AKAP13: variants seen among roughly 807,000 people sequenced by gnomAD.
The protein encoded by AKAP13 is A-kinase anchor protein 13.
A neutral mutation model predicts 264.5 loss-of-function variants in AKAP13; 80 were observed. The observed-to-expected ratio is 0.30, with a 90% CI of 0.25 to 0.36. The LOEUF (loss-of-function observed/expected upper bound fraction) is 0.36, where lower values mean the gene tolerates loss of function less well. Ranked by LOEUF, AKAP13 falls within the 10% of genes least tolerant of loss-of-function variation. AKAP13 has a pLI of 1.00. For synonymous variants in AKAP13, 1,380 were observed against 1,250.2 expected, an observed-to-expected ratio of 1.10 and a Z score of -2.19; for missense variants, 3,712 against 3,435.2, an observed-to-expected ratio of 1.08 and a Z score of -2.01.
At chr15:85,483,768 G>A (rs2075431844) in intron 1 of AKAP13, among the ~76,000 whole-genome samples, 1 of 150,962 alleles carries the variant, frequency 6.6e-6, no homozygotes, top group Admixed American at 6.6e-5. Context: ...CCAAGATTGT[G>A]CCACTGCGCT....
chr15:85,677,290 G>T (rs2084277771), intron 14 of AKAP13, among the ~76,000 whole-genome samples: 1 of 152,116 alleles, frequency 6.6e-6, no homozygotes, highest in Admixed American at 6.5e-5. Context: ...CTTCTGTATA[G>T]TACTAACGCT....
At position 85,743,615 on chromosome 15, in the gene AKAP13, T is replaced by A. The variant is rs750232143; in HGVS notation, c.8182T>A (p.Ser2728Thr). ...GTCATTGGACTCAGAACTTTCAGTG[T>A]CCCCAAAAAGGAACAGCATCTCTCG... The part of the protein sequence containing the change: ...SGSLDSELSV[S>T]PKRNSISRTH... The change falls in exon 36 of 37, where the codon TCC (serine) becomes ACC (threonine). Residue 2728 changes from serine to threonine, a missense_variant. Coordinates refer to ENST00000394518, the MANE Select transcript of AKAP13 (RefSeq NM_007200.5). The A allele has an allele frequency of 6.2e-7, 1 of 1,613,982 alleles. No individual in the cohort carries two copies. The highest frequency in any genetic ancestry group is 8.5e-7 in the Non-Finnish European group (1 of 1,179,988).
chr15:85,681,895 G>C (rs1328664588), intron 14 of AKAP13, among the ~76,000 whole-genome samples: 1 of 152,076 alleles, frequency 6.6e-6, no homozygotes, highest in Non-Finnish European at 1.5e-5. Context: ...ATTAGAAAAA[G>C]TTATTTGGAG....
At chr15:85,508,055 C>G (rs2076293324) in intron 2 of AKAP13, among the ~76,000 whole-genome samples, 1 of 152,044 alleles carries the variant, frequency 6.6e-6, no homozygotes, top group Non-Finnish European at 1.5e-5. Flanking sequence ...AGATGGGTTT[C>G]AGCAAGATAT....
At position 85,745,369 on chromosome 15, in the gene AKAP13, A is replaced by G. The variant is rs746147092; in HGVS notation, c.*692A>G. 2 of 151,556 alleles carry G rather than the reference A, an allele frequency of 1.3e-5. No homozygotes were observed. Among genetic ancestry groups the G allele is most frequent in the Admixed American group, 6.6e-5 (1 of 15,166 alleles). 9.4% of individuals were successfully genotyped at this position (151,556 alleles called of 1,614,324 possible). A position where few individuals can be genotyped will look rare whatever the true frequency, so the allele number is the denominator to read the frequency against. On this transcript the variant is annotated 3_prime_UTR_variant, in exon 37 of 37. Coordinates refer to ENST00000394518, the MANE Select transcript of AKAP13 (RefSeq NM_007200.5). ...TGAGAGAAGGCTTGATGTGTATAAA[A>G]GACGTGATGTGCACCACCTCGATCT...
At chr15:85,709,293 T>A (rs1483891897) in intron 18 of AKAP13, among the ~76,000 whole-genome samples, 1 of 152,148 alleles carries the variant, frequency 6.6e-6, no homozygotes, top group Non-Finnish European at 1.5e-5. Context: ...TATTTATTAT[T>A]ATATAGTTTT....
chr15:85,615,604 T>G (rs1185415545), intron 8 of AKAP13, among the ~76,000 whole-genome samples: 1 of 152,250 alleles, frequency 6.6e-6, no homozygotes, highest in Admixed American at 6.5e-5. Flanking sequence ...TCTGGATGGA[T>G]CACTATATTT....
chr15:85,696,989 T>TC (rs1164983204), intron 17 of AKAP13, among the ~76,000 whole-genome samples: 3 of 152,026 alleles, frequency 2.0e-5, no homozygotes, highest in African/African-American at 4.8e-5. Context: ...GAATCTGGAG[T>TC]CCAAGTTTAC....
chr15:85,694,472 T>C (rs766644253), intron 17 of AKAP13, among the ~76,000 whole-genome samples: 19 of 152,260 alleles, frequency 1.2e-4, no homozygotes, highest in South Asian at 4.1e-4. Context: ...ACTTCACTTA[T>C]GGATACTGAA....
At chr15:85,569,198 A>T (rs16941653) in intron 5 of AKAP13, among the ~76,000 whole-genome samples, 22,281 of 152,156 alleles carry the variant, frequency 0.15, 2,232 homozygotes, top group African/African-American at 0.27. Flanking sequence ...AGACATTCAT[A>T]AAGTAGTTGG....
In AKAP13 at chr15:85,734,813, A is replaced by G. The variant is rs1014740280; in HGVS notation, c.7283-179A>G. 3.3e-5 allele frequency among the ~76,000 whole-genome samples: 5 copies of G among 152,214 alleles called. No homozygotes were observed. The East Asian group carries it at 9.6e-4, about 29-fold the overall frequency. ...TGGAAGGTCTCATCTCTAAATTTCT[A>G]GTAGAATCCAACTAAAACACATACC... On this transcript the variant is annotated intron_variant, in intron 30 of 36. Coordinates refer to ENST00000394518, the MANE Select transcript of AKAP13 (RefSeq NM_007200.5).
chr15:85,418,374 G>A (rs145205750), intron 1 of AKAP13, among the ~76,000 whole-genome samples: 117 of 152,284 alleles, frequency 7.7e-4, no homozygotes, highest in African/African-American at 2.7e-3. Context: ...GAGCCACCAT[G>A]CCTGGCCTTT....
chr15:85,474,454 T>C (rs1218284147), intron 1 of AKAP13, among the ~76,000 whole-genome samples: 1 of 152,234 alleles, frequency 6.6e-6, no homozygotes, highest in East Asian at 1.9e-4. Context: ...CATTAGTATT[T>C]TCAGAAATAT....
intron 1 of AKAP13, among the ~76,000 whole-genome samples, chr15:85,384,581 G>A (rs557129536): frequency 6.6e-6 from 1 of 152,266 alleles, no homozygotes; most frequent in African/African-American, 2.4e-5. Context: ...GCCCGGCAGG[G>A]TGGCAGGTGC....
intron 17 of AKAP13, chr15:85,702,258 C>G (rs2085966205): frequency 6.6e-6 from 1 of 152,050 alleles, no homozygotes. Flanking sequence ...CACACACACA[C>G]ACACACACAC....
rs1204584531 is a variant in AKAP13, at chr15:85,498,209, T to G, written c.33+12456T>G. On this transcript the variant is annotated intron_variant, in intron 2 of 36. Transcript: ENST00000394518. ...GATTAAATGAAGTGAGATATATATA[T>G]ATATATATATATATATATCACATTG... Among the ~76,000 whole-genome samples the G allele has an allele frequency of 1.4e-4, 4 of 28,006 alleles. 1 individual carries two copies. Among genetic ancestry groups the G allele is most frequent in the East Asian group, 8.8e-4 (2 of 2,270 alleles). The allele number at this position is 28,006 out of a possible 152,430, so 18.4% of individuals were successfully genotyped here.
intron 1 of AKAP13, among the ~76,000 whole-genome samples, chr15:85,438,129 C>CA (rs1234155733): frequency 1.4e-5 from 2 of 147,416 alleles, no homozygotes; most frequent in Non-Finnish European, 3.0e-5. Flanking sequence ...TCTCAGGATA[C>CA]AAAATCAATG....
chr15:85,726,882 T>C (rs1387398636), intron 27 of AKAP13, 184 bp from the exon 28 acceptor site: 1 of 657,988 alleles, frequency 1.5e-6, no homozygotes, highest in Admixed American at 3.0e-5. Flanking sequence ...ATTTCCCTTT[T>C]GAAATCTTTT....
At chr15:85,668,606 T>C (rs767178098) in intron 13 of AKAP13, among the ~76,000 whole-genome samples, 11 of 152,224 alleles carry the variant, frequency 7.2e-5, no homozygotes, top group Admixed American at 1.3e-4. Context: ...TTGTTTTGTT[T>C]GTGATCTTAA....
Sources: gnomAD v4.1 joint callset for allele counts (sites outside exome capture counted in the v4.1 genomes callset) on GRCh38, gnomAD v4.1.1 for gene constraint, MANE v1.5 for transcripts, NCBI Gene and HGNC (gene_info 2026-07-23, HGNC 2026-07-21) for gene names.